The following ATP11C variants were observed in gnomAD, a reference collection of about 807,000 sequenced individuals.
The protein encoded by ATP11C is phospholipid-transporting ATPase IG.
Under a neutral mutation model 97.4 loss-of-function variants are expected in ATP11C, and 36 were observed. The ratio of observed to expected loss-of-function variants is 0.37; its 90% CI spans 0.28 to 0.49. ATP11C has a LOEUF of 0.49. ATP11C is among the 20% of genes least tolerant of loss of function. The pLI, the probability that ATP11C is intolerant of heterozygous loss-of-function variation, is 0.98. For synonymous variants in ATP11C, 275 were observed against 290.9 expected (o/e 0.95, Z 0.56); for missense variants, 730 against 824.6 (o/e 0.89, Z 1.40).
At chrX:139,744,202 C>T (rs1046139612) in intron 25 of ATP11C, among the ~76,000 whole-genome samples, 2 of 109,230 alleles carry the variant, frequency 1.8e-5, no homozygotes, top group African/African-American at 3.3e-5. Context: ...GATCTGAATG[C>T]GTAACATTAA....
chrX:139,738,752 G>T (rs73579523), intron 27 of ATP11C, among the ~76,000 whole-genome samples: 4,827 of 110,805 alleles, frequency 0.044, 256 homozygotes, highest in African/African-American at 0.15. Context: ...GAGAAGCACA[G>T]CCTGTTTCCC....
intron 5 of ATP11C, among the ~76,000 whole-genome samples, chrX:139,807,194 G>A (rs1024688807): frequency 1.8e-5 from 2 of 111,207 alleles, no homozygotes; most frequent in African/African-American, 6.6e-5. Context: ...GAAAAGGCAA[G>A]GGAACGTGGG....
chrX:139,790,460 TCACTCA>T (rs1331578582), intron 12 of ATP11C, among the ~76,000 whole-genome samples: 4 of 94,906 alleles, frequency 4.2e-5, no homozygotes, highest in Admixed American at 2.3e-4. Context: ...TCTCTCTCTC[TCACTCA>T]CACACACACA....
intron 1 of ATP11C, among the ~76,000 whole-genome samples, chrX:139,854,120 A>G (rs2084051498): frequency 8.9e-6 from 1 of 111,954 alleles, no homozygotes; most frequent in Non-Finnish European, 1.9e-5. Context: ...CTCTTGTAAA[A>G]GCAGAGTTAG....
chrX:139,903,147 G>A (rs750373021), intron 1 of ATP11C, among the ~76,000 whole-genome samples: 4 of 111,879 alleles, frequency 3.6e-5, no homozygotes, highest in Non-Finnish European at 7.5e-5. Context: ...ATTAATGATT[G>A]TGCATAGTAT....
chrX:139,851,614 G>A (rs1047904060), intron 1 of ATP11C, among the ~76,000 whole-genome samples: 1 of 111,529 alleles, frequency 9.0e-6, no homozygotes, highest in Non-Finnish European at 1.9e-5. Flanking sequence ...CATCAGCCTG[G>A]GAGAGCTGCA....
At chrX:139,730,732 T>C (rs1398137339) in intron 29 of ATP11C, among the ~76,000 whole-genome samples, 1 of 110,902 alleles carries the variant, frequency 9.0e-6, no homozygotes, top group Non-Finnish European at 1.9e-5. Context: ...TTAAGCTGTG[T>C]AGAGTTGTTT....
At chrX:139,810,865 G>A (rs751067775) in intron 5 of ATP11C, among the ~76,000 whole-genome samples, 4 of 103,950 alleles carry the variant, frequency 3.8e-5, no homozygotes, top group African/African-American at 1.5e-4. Context: ...TCTAAATTCA[G>A]AGTTTTTTTT....
chrX:139,757,838 C>G lies in ATP11C; in HGVS notation c.2670G>C (p.Leu890Phe). The change falls in exon 23 of 30, where the codon TTG becomes TTC. Residue 890 changes from leucine (L) to phenylalanine (F), a missense_variant. Transcript: ENST00000682941. ...GTGAGAATCCACAGAAGAACTGGTA[C>G]AAAAACTGTGGCAAAATGAAACAAA... Reference protein sequence around the residue: ...KNLCFILPQFLYQFFCGFSQQ... With the variant: ...KNLCFILPQFFYQFFCGFSQQ... 1 of 1,178,780 alleles carries G rather than the reference C, an allele frequency of 8.5e-7. No homozygotes were observed. The highest frequency in any genetic ancestry group is 1.1e-6 in the Non-Finnish European group (1 of 877,307).
At chrX:139,830,890 C>A (rs1300559002) in intron 1 of ATP11C, among the ~76,000 whole-genome samples, 3 of 110,780 alleles carry the variant, frequency 2.7e-5, no homozygotes, top group Admixed American at 1.9e-4. Flanking sequence ...CAGAAGTCAG[C>A]ATTTCCATAC....
intron 28 of ATP11C, 49 bp from the exon 29 acceptor site, chrX:139,731,804 C>A: frequency 1.2e-6 from 1 of 855,761 alleles, no homozygotes; most frequent in South Asian, 2.8e-5. Flanking sequence ...ATTGGTTAAC[C>A]TACCTGGTGA....
At chrX:139,836,026 CAAAAAAAAAAAA>C (rs755398033) in intron 1 of ATP11C, among the ~76,000 whole-genome samples, 5 of 28,687 alleles carry the variant, frequency 1.7e-4, no homozygotes, top group South Asian at 0.016. Context: ...GACTCCATCT[CAAAAAAAAAAAA>C]AAAAAAAAAA....
chrX:139,866,189 C>T (rs1239151620), intron 1 of ATP11C, among the ~76,000 whole-genome samples: 1 of 108,336 alleles, frequency 9.2e-6, no homozygotes, highest in Admixed American at 1.0e-4. Context: ...ACTAAAAATA[C>T]AAAAATTAGC....
chrX:139,786,902 G>A, intron 15 of ATP11C, among the ~76,000 whole-genome samples: 1 of 111,957 alleles, frequency 8.9e-6, no homozygotes, highest in South Asian at 3.8e-4. Context: ...ACCTGAAATG[G>A]CATCTAAATT....
rs183735489 is a variant in ATP11C, at chrX:139,872,445, T to C, written c.28-45622A>G. 2.7e-3 allele frequency among the ~76,000 whole-genome samples: 297 copies of C among 111,205 alleles called. 2 individuals are homozygous for C. Among genetic ancestry groups the C allele is most frequent in the Middle Eastern group, 9.3e-3 (2 of 216 alleles). ...GTTACATATGTATATATGTGCCATG[T>C]TGGTGTGCTGCACCCCTTAACTCGT... On this transcript the variant is annotated intron_variant, in intron 1 of 29. Coordinates refer to ENST00000682941, the MANE Select transcript of ATP11C (RefSeq NM_001353812.2).
At chrX:139,761,903 C>A in intron 22 of ATP11C, 58 bp downstream of exon 22, 4 of 867,551 alleles carry the variant, frequency 4.6e-6, no homozygotes, top group South Asian at 4.2e-5. Context: ...AAACCATGAC[C>A]AAGCTGAGCC....
chrX:139,773,032 C>T (rs917992772), intron 19 of ATP11C, among the ~76,000 whole-genome samples: 6 of 110,711 alleles, frequency 5.4e-5, no homozygotes, highest in Non-Finnish European at 1.1e-4. Context: ...CCCAGAATTC[C>T]CATGTGTTGT....
At position 139,777,362 on chromosome X, in the gene ATP11C, C is replaced by G. The variant is rs1028483038; in HGVS notation, c.1953-2409G>C. ...TTAGAACACCTGGAATTGAAAAATTCACTACAGCAATTTCAAAATACAGCT... is the reference window on the plus strand; with the variant it reads ...TTAGAACACCTGGAATTGAAAAATTGACTACAGCAATTTCAAAATACAGCT... On this transcript the variant is annotated intron_variant, in intron 18 of 29. Transcript: ENST00000682941. Among the ~76,000 whole-genome samples the G allele has an allele frequency of 9.1e-5, 10 of 109,361 alleles. No individual in the cohort carries two copies. In the Admixed American group the frequency reaches 9.8e-4, roughly 11 times the overall value. The allele number at this position is 109,361 out of a possible 115,157, so 95.0% of individuals were successfully genotyped here.
intron 28 of ATP11C, among the ~76,000 whole-genome samples, chrX:139,733,106 T>A (rs1303562014): frequency 3.6e-5 from 4 of 112,090 alleles, no homozygotes; most frequent in African/African-American, 6.5e-5. Flanking sequence ...CTTCCTTTCT[T>A]ACAACCTAAT....
Sources: gnomAD v4.1 joint callset for allele counts (sites outside exome capture counted in the v4.1 genomes callset) on GRCh38, gnomAD v4.1.1 for gene constraint, MANE v1.5 for transcripts, NCBI Gene and HGNC (gene_info 2026-07-23, HGNC 2026-07-21) for gene names.